SESTD1: variants seen among roughly 807,000 people sequenced by gnomAD.
SESTD1 encodes SEC14 domain and spectrin repeat-containing protein 1.
In SESTD1, 43 loss-of-function variants were observed where a neutral mutation model predicts 101.7. The ratio of observed to expected loss-of-function variants is 0.42; its 90% confidence interval spans 0.33 to 0.55. The LOEUF (loss-of-function observed/expected upper bound fraction) is 0.55. SESTD1 is among the 20% of genes least tolerant of loss of function. The pLI, the probability that SESTD1 is intolerant of heterozygous loss-of-function variation, is 0.07. For synonymous variants in SESTD1, 283 were observed against 286.8 expected, an observed-to-expected ratio of 0.99 and a Z score of 0.13; for missense variants, 647 against 815.1, an observed-to-expected ratio of 0.79 and a Z score of 2.51.
chr2:179,246,483 C>T (rs997921622), intron 1 of SESTD1, among the ~76,000 whole-genome samples: 1 of 152,134 alleles, frequency 6.6e-6, no homozygotes, highest in African/African-American at 2.4e-5. Flanking sequence ...CAGTATCTCT[C>T]GCTCTCTTTC....
At chr2:179,247,164 A>G (rs1207007072) in intron 1 of SESTD1, among the ~76,000 whole-genome samples, 1 of 151,728 alleles carries the variant, frequency 6.6e-6, no homozygotes, top group African/African-American at 2.4e-5. Flanking sequence ...AATTGTACAT[A>G]TTCACGTAGT....
intron 1 of SESTD1, among the ~76,000 whole-genome samples, chr2:179,253,325 C>T (rs1215875760): frequency 6.6e-6 from 1 of 151,970 alleles, no homozygotes; most frequent in Admixed American, 6.6e-5. Flanking sequence ...GTTCCTGAAA[C>T]AGAAAAGAAC....
rs375895798 is a variant in SESTD1, at chr2:179,112,752, A to G, written c.1933T>C (p.Leu645=). The part of the protein sequence containing the change: ...EAVGKSLLDR[L]TVPVVYPDGT... ...TCAGGATAAACTACTGGAACAGTTA[A>G]TCTATCCAAAAGTGATTTCCCAACT... Residue 645 remains leucine (L), a synonymous_variant, in exon 17 of 18, where the codon TTA becomes CTA. Coordinates refer to ENST00000428443, the MANE Select transcript of SESTD1 (RefSeq NM_178123.5). The G allele has an allele frequency of 8.1e-6, 13 of 1,612,814 alleles. No homozygotes were observed. In the African/African-American group the frequency reaches 1.7e-4, roughly 22 times the overall value.
chr2:179,233,052 A>G (rs1388790015), intron 1 of SESTD1, among the ~76,000 whole-genome samples: 1 of 152,196 alleles, frequency 6.6e-6, no homozygotes, highest in Admixed American at 6.5e-5. Context: ...AAGATGAGAA[A>G]GCAAAAAAAT....
chr2:179,154,698 C>T (rs1179738098), intron 5 of SESTD1, among the ~76,000 whole-genome samples: 1 of 152,062 alleles, frequency 6.6e-6, no homozygotes, highest in African/African-American at 2.4e-5. Flanking sequence ...ATGCAGACTA[C>T]TGGAAACTCT....
chr2:179,185,698 T>TATTATATACAATATATAATATAGTAC (rs1467898276), intron 2 of SESTD1, among the ~76,000 whole-genome samples: 1 of 125,186 alleles, frequency 8.0e-6, no homozygotes, highest in Non-Finnish European at 1.5e-5. Context: ...TAATATAGTA[T>TATTATATACAATATATAATATAGTAC]ATTATATACA....
At chr2:179,156,316 G>A (rs1445258822) in intron 5 of SESTD1, among the ~76,000 whole-genome samples, 3 of 151,966 alleles carry the variant, frequency 2.0e-5, no homozygotes, top group Non-Finnish European at 4.4e-5. Flanking sequence ...TATCTTTTTC[G>A]TATAATGACT....
At chr2:179,183,251 A>G in intron 2 of SESTD1, 63 bp from the exon 3 acceptor site, 4 of 996,566 alleles carry the variant, frequency 4.0e-6, no homozygotes, top group Non-Finnish European at 5.9e-6. Context: ...TGAATAATAT[A>G]CATTTGAATC....
intron 1 of SESTD1, among the ~76,000 whole-genome samples, chr2:179,241,951 AG>A (rs2047160770): frequency 6.6e-6 from 1 of 151,896 alleles, no homozygotes. Flanking sequence ...AATTAAGAAC[AG>A]GCAGGAAGGC....
chr2:179,194,675 A>G (rs577573497), intron 1 of SESTD1, among the ~76,000 whole-genome samples: 1 of 152,194 alleles, frequency 6.6e-6, no homozygotes, highest in Non-Finnish European at 1.5e-5. Flanking sequence ...ACAGAAGGAA[A>G]TATCATAATC....
chr2:179,135,796 C>G (rs1472009027), intron 9 of SESTD1, among the ~76,000 whole-genome samples: 1 of 152,060 alleles, frequency 6.6e-6, no homozygotes, highest in Non-Finnish European at 1.5e-5. Flanking sequence ...AACTCAAAAA[C>G]AAAAAAGTCA....
intron 2 of SESTD1, among the ~76,000 whole-genome samples, chr2:179,191,023 A>T (rs1476960011): frequency 3.3e-5 from 5 of 152,234 alleles, no homozygotes; most frequent in Non-Finnish European, 7.3e-5. Context: ...TCCTTTGGGT[A>T]TATACCCAGT....
chr2:179,229,339 T>G (rs568349917), intron 1 of SESTD1, among the ~76,000 whole-genome samples: 1 of 152,136 alleles, frequency 6.6e-6, no homozygotes, highest in Admixed American at 6.5e-5. Context: ...ATCTGCCTTA[T>G]AGCTTGAAAC....
At chr2:179,241,261 A>C (rs1164670472) in intron 1 of SESTD1, among the ~76,000 whole-genome samples, 1 of 152,158 alleles carries the variant, frequency 6.6e-6, no homozygotes, top group African/African-American at 2.4e-5. Context: ...GAGTCCCAGA[A>C]GCAGAGGAGA....
intron 9 of SESTD1, among the ~76,000 whole-genome samples, chr2:179,139,128 C>T (rs537862734): frequency 6.6e-6 from 1 of 152,172 alleles, no homozygotes; most frequent in East Asian, 1.9e-4. Context: ...CAAATAATAT[C>T]TTCCTTTTAA....
chr2:179,121,458 A>AATT (rs2044747936), intron 13 of SESTD1, among the ~76,000 whole-genome samples: 1 of 152,190 alleles, frequency 6.6e-6, no homozygotes, highest in African/African-American at 2.4e-5. Flanking sequence ...TAAAAAGCAA[A>AATT]ATTATTCTTC....
intron 5 of SESTD1, chr2:179,162,411 G>C (rs1297596703): frequency 2.0e-5 from 3 of 152,094 alleles, no homozygotes; most frequent in African/African-American, 7.2e-5. Context: ...TACTTACTTT[G>C]ATACTAAAAT....
intron 1 of SESTD1, among the ~76,000 whole-genome samples, chr2:179,228,524 AC>A (rs2046925484): frequency 6.6e-6 from 1 of 152,104 alleles, no homozygotes; most frequent in African/African-American, 2.4e-5. Flanking sequence ...AGAACTAGGG[AC>A]TCATCCTACA....
chr2:179,185,295 A>G (rs1389852043), intron 2 of SESTD1, among the ~76,000 whole-genome samples: 3 of 149,640 alleles, frequency 2.0e-5, no homozygotes, highest in Non-Finnish European at 4.4e-5. Flanking sequence ...TTACAAAATC[A>G]TCATTCATAT....
Sources: gnomAD v4.1 joint callset for allele counts (sites outside exome capture counted in the v4.1 genomes callset) on GRCh38, gnomAD v4.1.1 for gene constraint, MANE v1.5 for transcripts, NCBI Gene and HGNC (gene_info 2026-07-23, HGNC 2026-07-21) for gene names.